The following BCO1 variants were observed in gnomAD, a reference collection of about 807,000 sequenced individuals.
The protein encoded by BCO1 is beta,beta-carotene 15,15'-dioxygenase.
In BCO1, 54 loss-of-function variants were observed where a neutral mutation model predicts 56.3. The observed-to-expected ratio is 0.96, with a 90% confidence interval of 0.77 to 1.20. The LOEUF is 1.20. Among genes scored for constraint, BCO1 ranks in the 50% most tolerant of loss-of-function variants. The pLI is 0.00. For synonymous variants in BCO1, 318 were observed against 266.1 expected, an observed-to-expected ratio of 1.20 and a Z score of -1.90; for missense variants, 801 against 690.9, an observed-to-expected ratio of 1.16 and a Z score of -1.79.
At chr16:81,277,639 G>T (rs1907636738) in intron 7 of BCO1, among the ~76,000 whole-genome samples, 1 of 152,188 alleles carries the variant, frequency 6.6e-6, no homozygotes, top group South Asian at 2.1e-4. Context: ...GAAAACCACA[G>T]CGTTGAATTT....
intron 2 of BCO1, among the ~76,000 whole-genome samples, chr16:81,259,253 G>C (rs1369528331): frequency 6.6e-6 from 1 of 152,114 alleles, no homozygotes; most frequent in African/African-American, 2.4e-5. Context: ...CAGCACTTTG[G>C]GAGGCTGAGG....
rs1337378796 is a variant in BCO1, at chr16:81,287,348, C to A, written c.1356C>A (p.Asp452Glu). The A allele has an allele frequency of 6.2e-7, 1 of 1,614,170 alleles. No individual in the cohort carries two copies. Among genetic ancestry groups the A allele is most frequent in the Non-Finnish European group, 8.5e-7 (1 of 1,180,030 alleles). Residue 452 changes from aspartate to glutamate, a missense_variant, in exon 10 of 11, where the codon GAC becomes GAA. Physicochemically the swap from Asp to Glu is conservative, Grantham distance 45. Transcript: ENST00000258168. ...TKSSLKWRED[D>E]CWPAEPLFVP... ...CATCCTTAAAATGGAGAGAGGACGA[C>A]TGCTGGCCAGCGGAACCCCTGTTTG...
In BCO1 at chr16:81,250,023, C is replaced by T. The variant is rs1174290887; in HGVS notation, c.193+4420C>T. ...TTTGGTAGACAGAGGCAATACTTTC[C>T]CAGTCAAACTCTTCAATATTTACTA... is the stretch of plus-strand genomic sequence containing the variant. On this transcript the variant is annotated intron_variant, in intron 2 of 10. Transcript: ENST00000258168. Among the ~76,000 whole-genome samples, 2 of 152,236 alleles carry T rather than the reference C, an allele frequency of 1.3e-5. 1 individual carries two copies. The highest frequency in any genetic ancestry group is 6.8e-3 in the Middle Eastern group (2 of 294).
chr16:81,275,437 A>C (rs762381136), intron 7 of BCO1, among the ~76,000 whole-genome samples: 7 of 152,250 alleles, frequency 4.6e-5, no homozygotes, highest in Non-Finnish European at 8.8e-5. Flanking sequence ...GTCAGGGATC[A>C]GCAGCATGAC....
At chr16:81,239,973 G>A (rs1157831292) in intron 1 of BCO1, among the ~76,000 whole-genome samples, 1 of 152,058 alleles carries the variant, frequency 6.6e-6, no homozygotes, top group East Asian at 1.9e-4. Context: ...GACTGGAATT[G>A]TTCATAAGGA....
intron 2 of BCO1, among the ~76,000 whole-genome samples, chr16:81,250,376 A>G (rs1469053979): frequency 6.6e-6 from 1 of 152,058 alleles, no homozygotes; most frequent in East Asian, 1.9e-4. Context: ...CTGGTGTGGC[A>G]TAGCCTGGCT....
At chr16:81,262,309 C>G (rs775757317) in intron 4 of BCO1, 26 bp downstream of exon 4, 2 of 1,605,460 alleles carry the variant, frequency 1.2e-6, no homozygotes, top group African/African-American at 2.7e-5. Flanking sequence ...TAACCAGCAT[C>G]ACTTCCTGAC....
At chr16:81,276,728 G>A (rs1389763056) in intron 7 of BCO1, among the ~76,000 whole-genome samples, 1 of 152,156 alleles carries the variant, frequency 6.6e-6, no homozygotes, top group East Asian at 1.9e-4. Flanking sequence ...TGTGGCTGGT[G>A]CAGCTAAGGA....
intron 2 of BCO1, among the ~76,000 whole-genome samples, chr16:81,256,867 G>A (rs571970735): frequency 4.6e-5 from 7 of 151,652 alleles, no homozygotes; most frequent in Non-Finnish European, 8.8e-5. Context: ...CAGCCTGGGC[G>A]ACAGAGTGAC....
chr16:81,241,017 T>G (rs111374465), intron 1 of BCO1, among the ~76,000 whole-genome samples: 1 of 151,838 alleles, frequency 6.6e-6, no homozygotes, highest in Admixed American at 6.6e-5. Context: ...TATTTTTAGC[T>G]GAAACAGGGT....
At chr16:81,284,824 C>G (rs113062921) in intron 8 of BCO1, among the ~76,000 whole-genome samples, 6,634 of 147,238 alleles carry the variant, frequency 0.045, 203 homozygotes, top group African/African-American at 0.09. Flanking sequence ...GTTTTGTTTT[C>G]TTTTCTTTTC....
chr16:81,243,246 A>G (rs4889291), intron 1 of BCO1, among the ~76,000 whole-genome samples: 47,448 of 152,078 alleles, frequency 0.31, 9,415 homozygotes, highest in Non-Finnish European at 0.45. Context: ...ATTTTTTTAA[A>G]TTGCAGAAAA....
chr16:81,270,807 C>T (rs914257338), intron 7 of BCO1, among the ~76,000 whole-genome samples: 3 of 148,618 alleles, frequency 2.0e-5, no homozygotes, highest in South Asian at 2.2e-4. Context: ...TGCAGTGTTG[C>T]GATCTCTGCT....
In BCO1 at chr16:81,280,945, C is replaced by T. The variant is rs371735118; in HGVS notation, c.1190C>T (p.Pro397Leu). Residue 397 changes from proline (P) to leucine (L), a missense_variant, in exon 8 of 11, where the codon CCG becomes CTG. Transcript: ENST00000258168. The stretch of plus-strand genomic sequence containing the variant: ...GAAGATGGCCAAGTCTACTGCCAGC[C>T]GGAATTTCTTTATGAAGGTAAAATG... ...KEEDGQVYCQ[P>L]EFLYEGLELP... 4 of 1,613,634 alleles carry T rather than the reference C, an allele frequency of 2.5e-6. No individual in the cohort carries two copies. Among genetic ancestry groups the T allele is most frequent in the Non-Finnish European group, 3.4e-6 (4 of 1,179,624 alleles).
chr16:81,267,924 G>A lies in BCO1; in HGVS notation c.636G>A (p.Gly212=), dbSNP rs765733923. 38 of 1,613,794 alleles carry A rather than the reference G, an allele frequency of 2.4e-5. No homozygotes were observed. Among genetic ancestry groups the A allele is most frequent in the African/African-American group, 1.3e-5 (1 of 74,876 alleles). The change falls in exon 6 of 11, where the codon GGG becomes GGA. Residue 212 remains glycine, a synonymous_variant. Transcript: ENST00000258168. ...PATVPEGKKQ[G]KSPWKHTEVF... ...TCTTGCTAGAGGGCAAGAAGCAGGG[G>A]AAGAGCCCCTGGAAGCACACAGAGG...
Position 81,262,012 on chromosome 16 carries a change from G to GA in BCO1, c.324-123dup. ...CTGCCTCGGCCTCCCACAGTGCTGGGATTACAGGCACCCGGCCGAAGTAAA... is the reference window on the plus strand; with the variant it reads ...CTGCCTCGGCCTCCCACAGTGCTGGGAATTACAGGCACCCGGCCGAAGTAAA... On this transcript the variant is annotated intron_variant, in intron 3 of 10. Coordinates refer to ENST00000258168, the MANE Select transcript of BCO1 (RefSeq NM_017429.3). The GA allele has an allele frequency of 2.5e-6, 3 of 1,196,222 alleles. No individual in the cohort carries two copies. In the East Asian group the frequency reaches 7.1e-5, roughly 28 times the overall value. 74.1% of individuals were successfully genotyped at this position (1,196,222 alleles called of 1,614,324 possible). A position where few individuals can be genotyped will look rare whatever the true frequency, so the allele number is the denominator to read the frequency against.
chr16:81,285,343 G>T (rs1413512672), intron 8 of BCO1, among the ~76,000 whole-genome samples, 197 bp from the exon 9 acceptor site: 1 of 152,102 alleles, frequency 6.6e-6, no homozygotes, highest in Non-Finnish European at 1.5e-5. Flanking sequence ...CTCTCTAATA[G>T]AGCTGGGGTA....
chr16:81,257,393 T>C (rs533164198), intron 2 of BCO1, among the ~76,000 whole-genome samples: 3 of 152,022 alleles, frequency 2.0e-5, no homozygotes, highest in East Asian at 2.0e-4. Flanking sequence ...GCCTCCTGAG[T>C]AGCTGGGATT....
intron 2 of BCO1, among the ~76,000 whole-genome samples, chr16:81,247,710 C>T (rs918634917): frequency 6.6e-6 from 1 of 151,720 alleles, no homozygotes; most frequent in Non-Finnish European, 1.5e-5. Context: ...ATTTTTAGTA[C>T]AGATGGGGTT....
Sources: gnomAD v4.1 joint callset for allele counts (sites outside exome capture counted in the v4.1 genomes callset) on GRCh38, gnomAD v4.1.1 for gene constraint, MANE v1.5 for transcripts, NCBI Gene and HGNC (gene_info 2026-07-23, HGNC 2026-07-21) for gene names.